Variants in ATL1 observed in about 807,000 individuals in gnomAD.
The protein encoded by ATL1 is atlastin-1.
In ATL1, 31 loss-of-function variants were observed where a neutral mutation model predicts 75.5. The ratio of observed to expected loss-of-function variants is 0.41; its 90% CI spans 0.31 to 0.55. The LOEUF (loss-of-function observed/expected upper bound fraction) is 0.55. ATL1 is among the 20% of genes least tolerant of loss of function. The pLI, the probability that ATL1 is intolerant of heterozygous loss-of-function variation, is 0.27. For synonymous variants in ATL1, 226 were observed against 233.3 expected (o/e 0.97, Z 0.28); for missense variants, 405 against 662.6 (o/e 0.61, Z 4.27).
chr14:50,591,182 A>G, intron 3 of ATL1, 107 bp downstream of exon 3: 1 of 1,183,268 alleles, frequency 8.5e-7, no homozygotes, highest in East Asian at 2.5e-5. Flanking sequence ...ACCATTTGAC[A>G]TGAAGCTTAA....
intron 1 of ATL1, chr14:50,561,077 C>T (rs2038838021): frequency 6.6e-6 from 1 of 152,378 alleles, no homozygotes; most frequent in Non-Finnish European, 1.5e-5. Context: ...AGCACCAGGC[C>T]GAGGGGAGGG....
At chr14:50,611,425 C>T (rs1349343225) in intron 6 of ATL1, among the ~76,000 whole-genome samples, 1 of 152,024 alleles carries the variant, frequency 6.6e-6, no homozygotes, top group Non-Finnish European at 1.5e-5. Context: ...ATGTTTATTA[C>T]ATTTTAAACA....
chr14:50,611,213 C>T (rs1021743094), intron 6 of ATL1, among the ~76,000 whole-genome samples: 2 of 152,054 alleles, frequency 1.3e-5, no homozygotes, highest in African/African-American at 4.8e-5. Context: ...CCACCTACAC[C>T]GCTGACCTTT....
At position 50,625,000 on chromosome 14, in the gene ATL1, GCA is replaced by G. The variant is rs1223339347; in HGVS notation, c.1119+1753_1119+1754del. 4.7e-3 allele frequency among the ~76,000 whole-genome samples: 707 copies of G among 151,282 alleles called. 2 individuals carry two copies. The highest frequency in any genetic ancestry group is 7.6e-3 in the Non-Finnish European group (512 of 67,446). On this transcript the variant is annotated intron_variant, in intron 11 of 13. Transcript: ENST00000358385. ...CAGGAGAATCGCTTGAACCCAGGAG[GCA>G]GAGGTTGCAATGAGCCAAGATCGCA...
At chr14:50,632,147 C>T (rs2039587700) in intron 13 of ATL1, 82 bp from the exon 14 acceptor site, 1 of 793,430 alleles carries the variant, frequency 1.3e-6, no homozygotes, top group Non-Finnish European at 2.1e-6. Context: ...AAATTTTATA[C>T]AGTACGATAA....
chr14:50,598,609 C>T (rs375013452), intron 6 of ATL1, among the ~76,000 whole-genome samples: 3 of 152,002 alleles, frequency 2.0e-5, no homozygotes, highest in South Asian at 2.1e-4. Context: ...GTTATCTGCC[C>T]GCCTCGGCCT....
chr14:50,611,130 G>A (rs182416630), intron 6 of ATL1, among the ~76,000 whole-genome samples: 11 of 152,166 alleles, frequency 7.2e-5, no homozygotes, highest in Admixed American at 2.0e-4. Context: ...CATCTTGGCC[G>A]TCATGTAGAG....
At chr14:50,622,389 C>T (rs1001055267) in intron 10 of ATL1, among the ~76,000 whole-genome samples, 11 of 151,880 alleles carry the variant, frequency 7.2e-5, no homozygotes, top group African/African-American at 2.4e-4. Flanking sequence ...AAATTTTGGC[C>T]GGGCGTGGTG....
In ATL1 at chr14:50,587,521, C is replaced by T. The variant is rs569426022; in HGVS notation, c.35-310C>T. Among the ~76,000 whole-genome samples the T allele has an allele frequency of 6.6e-5, 10 of 151,996 alleles. No homozygotes were observed. The East Asian group carries it at 1.9e-3, about 29-fold the overall frequency. On this transcript the variant is annotated intron_variant, in intron 1 of 13. Coordinates refer to ENST00000358385, the MANE Select transcript of ATL1 (RefSeq NM_015915.5). ...GACCTCCTGGGCTCAAGTGATCCTC[C>T]CACCCCCGCCTCCTGAGAGCTGGGA...
intron 13 of ATL1, chr14:50,630,919 T>C (rs1595627644): frequency 2.2e-6 from 1 of 455,630 alleles, no homozygotes; most frequent in East Asian, 7.0e-5. Context: ...GTTGCACCAA[T>C]ATACATTCAC....
chr14:50,590,205 C>A (rs1027360933), intron 2 of ATL1, among the ~76,000 whole-genome samples: 6 of 152,160 alleles, frequency 3.9e-5, no homozygotes, highest in Non-Finnish European at 7.4e-5. Flanking sequence ...CCACCTTTAT[C>A]TTTTCTAGCT....
chr14:50,581,535 T>C (rs2039054904), intron 1 of ATL1, among the ~76,000 whole-genome samples: 2 of 152,182 alleles, frequency 1.3e-5, no homozygotes. Flanking sequence ...ATCATTTAGT[T>C]CACAATATTT....
At chr14:50,620,862 C>A in intron 9 of ATL1, 136 bp downstream of exon 9, 1 of 1,123,014 alleles carries the variant, frequency 8.9e-7, no homozygotes, top group South Asian at 1.4e-5. Context: ...TTTTAAAAAT[C>A]CTTTCTAAAA....
chr14:50,554,639 T>C (rs1282468196), intron 1 of ATL1, among the ~76,000 whole-genome samples: 1 of 152,214 alleles, frequency 6.6e-6, no homozygotes, highest in African/African-American at 2.4e-5. Flanking sequence ...AGATGGTATC[T>C]GAGAACTTAT....
At chr14:50,630,873 G>A (rs1380210439) in intron 13 of ATL1, 3 of 425,600 alleles carry the variant, frequency 7.0e-6, no homozygotes, top group African/African-American at 2.1e-5. Context: ...TAAATTGAAT[G>A]CCTTAGAATC....
intron 11 of ATL1, among the ~76,000 whole-genome samples, chr14:50,625,760 A>T (rs902910748): frequency 1.3e-5 from 2 of 152,110 alleles, no homozygotes; most frequent in East Asian, 3.9e-4. Flanking sequence ...AATACAAAAA[A>T]TTAGCCGGGC....
At position 50,628,415 on chromosome 14, in the gene ATL1, G is replaced by C. The variant is rs2039543676; in HGVS notation, c.1504G>C (p.Glu502Gln). The C allele has an allele frequency of 6.2e-7, 1 of 1,614,040 alleles. No homozygotes were observed. ...TATCCGGTACTCTGGAGAATACCGA[G>C]AGCTGGGAGCTGTAATAGACCAGGT... is the stretch of plus-strand genomic sequence containing the variant. ...AYIRYSGEYR[E>Q]LGAVIDQVAA... The change falls in exon 12 of 14, where the codon GAG becomes CAG. Residue 502 changes from glutamate to glutamine, a missense_variant. Glu to Gln is a conservative substitution (Grantham distance 29). Coordinates refer to ENST00000358385, the MANE Select transcript of ATL1 (RefSeq NM_015915.5).
intron 11 of ATL1, among the ~76,000 whole-genome samples, chr14:50,625,152 G>C (rs957084571): frequency 2.0e-5 from 3 of 151,974 alleles, no homozygotes; most frequent in Non-Finnish European, 2.9e-5. Flanking sequence ...TGCTGACACA[G>C]AGAAAGCTTT....
At chr14:50,594,998 C>CAAAAAAAAAA (rs371065528) in intron 5 of ATL1, among the ~76,000 whole-genome samples, 1 of 86,300 alleles carries the variant, frequency 1.2e-5, no homozygotes, top group African/African-American at 3.4e-5. Flanking sequence ...GACCCTGTCT[C>CAAAAAAAAAA]AAAAAAAAAA....
Sources: gnomAD v4.1 joint callset for allele counts (sites outside exome capture counted in the v4.1 genomes callset) on GRCh38, gnomAD v4.1.1 for gene constraint, MANE v1.5 for transcripts, NCBI Gene and HGNC (gene_info 2026-07-23, HGNC 2026-07-21) for gene names.